Variants in DLC1 observed in about 807,000 individuals in gnomAD.
DLC1 encodes DLC1 Rho GTPase activating protein, also known as rho GTPase-activating protein 7.
DLC1 carries 54 observed loss-of-function variants against 140.3 expected under a neutral mutation model. The ratio of observed to expected loss-of-function variants is 0.38; its 90% CI spans 0.31 to 0.48. The LOEUF is 0.48. DLC1 is among the 20% of genes least tolerant of loss of function. The pLI is 0.96. For synonymous variants in DLC1, 986 were observed against 728.1 expected (o/e 1.35, Z -5.70); for missense variants, 2,536 against 1,907.0 (o/e 1.33, Z -6.14).
intron 5 of DLC1, among the ~76,000 whole-genome samples, chr8:13,145,315 A>T (rs6981656): frequency 6.6e-6 from 1 of 152,094 alleles, no homozygotes; most frequent in Non-Finnish European, 1.5e-5. Context: ...AAAAGAACAT[A>T]AATAAAATTA....
chr8:13,358,802 C>T (rs1023378149), intron 4 of DLC1, among the ~76,000 whole-genome samples: 1 of 152,120 alleles, frequency 6.6e-6, no homozygotes, highest in East Asian at 1.9e-4. Flanking sequence ...TTTACTTTCT[C>T]TTTAGGTATA....
chr8:13,100,562 G>C lies in DLC1; in HGVS notation c.1775C>G (p.Ser592Cys). Reference sequence around the variant, plus strand: ...AGTGCTGCTGAGGCTGCGGACGGAAGACACCTCCTGGCGCTCGCTGAGGTC... The same window carrying C: ...AGTGCTGCTGAGGCTGCGGACGGAACACACCTCCTGGCGCTCGCTGAGGTC... ...LMDLSERQEVSSVRSLSSTGS... is the reference protein window; with the variant it reads ...LMDLSERQEVCSVRSLSSTGS... Residue 592 changes from serine (S) to cysteine (C), a missense_variant, in exon 9 of 18, where the codon TCT becomes TGT. Ser to Cys is a moderately radical substitution (Grantham distance 112). Coordinates refer to ENST00000276297, the MANE Select transcript of DLC1 (RefSeq NM_182643.3). 3 of 1,613,598 alleles carry C rather than the reference G, an allele frequency of 1.9e-6. No individual in the cohort carries two copies. The highest frequency in any genetic ancestry group is 2.5e-6 in the Non-Finnish European group (3 of 1,179,892).
intron 14 of DLC1, among the ~76,000 whole-genome samples, chr8:13,090,793 TTTTC>T (rs1366889996): frequency 2.1e-5 from 3 of 144,360 alleles, no homozygotes; most frequent in Middle Eastern, 3.7e-3. Context: ...ATTTGTTGCT[TTTTC>T]TTTCTTTCTT....
chr8:13,099,883 G>T lies in DLC1; in HGVS notation c.2454C>A (p.Phe818Leu). The part of the protein sequence containing the change: ...YIPEDHKPGT[F>L]PKALTNGSFS... ...AACTGCCATTGGTGAGAGCTTTGGG[G>T]AAAGTGCCAGGCTTGTGATCTTCAG... is the stretch of plus-strand genomic sequence containing the variant. The change falls in exon 9 of 18, where the codon TTC (phenylalanine) becomes TTA (leucine). Residue 818 changes from phenylalanine to leucine, a missense_variant. Physicochemically the swap from Phe to Leu is conservative, Grantham distance 22. Coordinates refer to ENST00000276297, the MANE Select transcript of DLC1 (RefSeq NM_182643.3). The T allele has an allele frequency of 6.2e-7, 1 of 1,614,198 alleles. No individual in the cohort carries two copies. Among genetic ancestry groups the T allele is most frequent in the Non-Finnish European group, 8.5e-7 (1 of 1,180,050 alleles).
At chr8:13,590,137 T>C (rs1005929929) in intron 1 of DLC1, among the ~76,000 whole-genome samples, 3 of 151,554 alleles carry the variant, frequency 2.0e-5, no homozygotes. Flanking sequence ...TATGCATATA[T>C]TTTTCCATAT....
intron 2 of DLC1, among the ~76,000 whole-genome samples, chr8:13,498,632 G>C (rs7835679): frequency 0.85 from 128,712 of 152,054 alleles, 55,411 homozygotes; most frequent in Non-Finnish European, 0.94. Context: ...TGAAAACATA[G>C]TCTTTTTGAA....
At chr8:13,414,689 T>C (rs1402832249) in intron 2 of DLC1, among the ~76,000 whole-genome samples, 1 of 152,202 alleles carries the variant, frequency 6.6e-6, no homozygotes, top group Non-Finnish European at 1.5e-5. Flanking sequence ...ACATAAAATA[T>C]AGTTAGAAGA....
At chr8:13,334,517 G>C (rs1386408391) in intron 4 of DLC1, among the ~76,000 whole-genome samples, 1 of 152,172 alleles carries the variant, frequency 6.6e-6, no homozygotes, top group African/African-American at 2.4e-5. Flanking sequence ...GAAGGCAGGA[G>C]ACCAGCTAGG....
At chr8:13,457,705 A>T (rs1245823355) in intron 2 of DLC1, among the ~76,000 whole-genome samples, 1 of 150,738 alleles carries the variant, frequency 6.6e-6, no homozygotes, top group East Asian at 1.9e-4. Flanking sequence ...AAAAAAAGAA[A>T]TAAAAACAGT....
chr8:13,376,560 G>A (rs564450697), intron 4 of DLC1, among the ~76,000 whole-genome samples: 70 of 152,306 alleles, frequency 4.6e-4, no homozygotes, highest in Non-Finnish European at 1.2e-4. Flanking sequence ...GTGTGATTTT[G>A]TTGAATAGAG....
At chr8:13,429,228 T>C (rs116688827) in intron 2 of DLC1, among the ~76,000 whole-genome samples, 2,704 of 152,300 alleles carry the variant, frequency 0.018, 83 homozygotes, top group African/African-American at 0.062. Flanking sequence ...TACCAAATCA[T>C]AGTGGAAGAG....
Position 13,085,893 on chromosome 8 carries a change from T to C in DLC1, c.4505A>G (p.His1502Arg). 1 of 1,614,174 alleles carries C rather than the reference T, an allele frequency of 6.2e-7. No homozygotes were observed. Among genetic ancestry groups the C allele is most frequent in the Non-Finnish European group, 8.5e-7 (1 of 1,180,036 alleles). The change falls in exon 18 of 18, where the codon CAT (histidine) becomes CGT (arginine). Residue 1502 changes from histidine (H) to arginine (R), a missense_variant. Physicochemically the swap from His to Arg is conservative, Grantham distance 29 (BLOSUM62 0). Transcript: ENST00000276297. ...CTTTACAACTTCAGCTGCACACAAATGTCCAAAAGATTTTGTGTACCATTC... is the reference window on the plus strand; with the variant it reads ...CTTTACAACTTCAGCTGCACACAAACGTCCAAAAGATTTTGTGTACCATTC... ...MPEWYTKSFG[H>R]LCAAEVVKIR...
chr8:13,303,697 G>C (rs1287172771), intron 5 of DLC1, among the ~76,000 whole-genome samples: 1 of 152,118 alleles, frequency 6.6e-6, no homozygotes, highest in Non-Finnish European at 1.5e-5. Flanking sequence ...AGCTACTCAG[G>C]AGGCTGAGGC....
At chr8:13,554,904 C>G (rs1803986636) in intron 1 of DLC1, among the ~76,000 whole-genome samples, 3 of 152,298 alleles carry the variant, frequency 2.0e-5, no homozygotes, top group Admixed American at 2.0e-4. Context: ...CTGCAAGGCC[C>G]TACATGATTG....
rs1819000293 is a variant in DLC1, at chr8:13,100,722, T to TCCATTTG, written c.1608_1614dup (p.Thr539GlnfsTer15). 1 of 1,603,976 alleles carries TCCATTTG rather than the reference T, an allele frequency of 6.2e-7. No homozygotes were observed. Among genetic ancestry groups the TCCATTTG allele is most frequent in the Non-Finnish European group, 8.5e-7 (1 of 1,175,656 alleles). On this transcript the variant is annotated frameshift_variant, in exon 9 of 18. Coordinates refer to ENST00000276297, the MANE Select transcript of DLC1 (RefSeq NM_182643.3). LOFTEE classifies it high-confidence loss of function. ...CACCTCTTGCTGTCCCTTTGGAAAG[T>TCCATTTG]CCATTTGCCACTGATGGCACAAGGC...
At chr8:13,566,880 C>T (rs114054581) in intron 1 of DLC1, 27 of 1,367,142 alleles carry the variant, frequency 2.0e-5, no homozygotes, top group Non-Finnish European at 2.6e-5. Flanking sequence ...AGACGACCTC[C>T]GCAGAGCTGA....
intron 7 of DLC1, among the ~76,000 whole-genome samples, chr8:13,109,480 C>T (rs1819880041): frequency 6.6e-6 from 1 of 152,016 alleles, no homozygotes; most frequent in South Asian, 2.1e-4. Context: ...TCACCTGTAG[C>T]TGGGAGGTCA....
At chr8:13,338,518 A>G (rs1217902915) in intron 4 of DLC1, 1 of 152,202 alleles carries the variant, frequency 6.6e-6, no homozygotes, top group Non-Finnish European at 1.5e-5. Flanking sequence ...ATAAAAACCA[A>G]GTTTAGATAC....
intron 2 of DLC1, among the ~76,000 whole-genome samples, chr8:13,472,830 T>C (rs1371463907): frequency 6.6e-6 from 1 of 152,244 alleles, no homozygotes. Flanking sequence ...TGTGTAAGTA[T>C]ATAGCCATTA....
Sources: gnomAD v4.1 joint callset for allele counts (sites outside exome capture counted in the v4.1 genomes callset) on GRCh38, gnomAD v4.1.1 for gene constraint, MANE v1.5 for transcripts, NCBI Gene and HGNC (gene_info 2026-07-23, HGNC 2026-07-21) for gene names.